The following PAPOLA variants were observed in gnomAD, a reference collection of about 807,000 sequenced individuals.
The protein encoded by PAPOLA is poly(A) polymerase alpha.
A neutral mutation model predicts 100.6 loss-of-function variants in PAPOLA; 15 were observed. The ratio of observed to expected loss-of-function variants is 0.15; its 90% CI spans 0.10 to 0.23. PAPOLA has a LOEUF of 0.23. Among genes scored for constraint, PAPOLA ranks in the 10% least tolerant of loss-of-function variants. The pLI, the probability that PAPOLA is intolerant of heterozygous loss-of-function variation, is 1.00. For synonymous variants in PAPOLA, 293 were observed against 300.0 expected, an observed-to-expected ratio of 0.98 and a Z score of 0.24; for missense variants, 533 against 884.2, an observed-to-expected ratio of 0.60 and a Z score of 5.04.
At chr14:96,562,644 T>C in intron 20 of PAPOLA, 175 bp from the exon 21 acceptor site, 1 of 447,252 alleles carries the variant, frequency 2.2e-6, no homozygotes, top group Non-Finnish European at 4.1e-6. Context: ...ATATCTGAAA[T>C]GGTGAAATAA....
chr14:96,544,320 G>A, intron 15 of PAPOLA, 62 bp downstream of exon 15: 1 of 752,854 alleles, frequency 1.3e-6, no homozygotes, highest in South Asian at 1.6e-5. Context: ...TTGTCTTGAT[G>A]CATACCATAG....
rs1014212870 is a variant in PAPOLA, at chr14:96,544,318, A to C, written c.1399+60A>C. 9.0e-6 allele frequency: 7 copies of C among 774,050 alleles called. No homozygotes were observed. The African/African-American group carries it at 1.2e-4, about 13-fold the overall frequency. The allele number at this position is 774,050 out of a possible 1,614,324, so 47.9% of individuals were successfully genotyped here. ...TTCTTGCATATTTCAAATTGTCTTGATGCATACCATAGTGATATTTACAAT... is the reference window on the plus strand; with the variant it reads ...TTCTTGCATATTTCAAATTGTCTTGCTGCATACCATAGTGATATTTACAAT... On this transcript the variant is annotated intron_variant, in intron 15 of 21. Transcript: ENST00000216277.
intron 1 of PAPOLA, 126 bp downstream of exon 1, chr14:96,502,726 C>A: frequency 1.9e-6 from 2 of 1,051,214 alleles, no homozygotes; most frequent in Non-Finnish European, 2.7e-6. Context: ...AGGAGGCAGG[C>A]AGGACTGGGG....
chr14:96,534,051 C>T lies in PAPOLA; in HGVS notation c.837-440C>T, dbSNP rs1471030994. 3.0e-6 allele frequency: 3 copies of T among 987,074 alleles called. No homozygotes were observed. In the African/African-American group the frequency reaches 5.2e-5, roughly 17 times the overall value. 61.1% of individuals were successfully genotyped at this position (987,074 alleles called of 1,614,324 possible). On this transcript the variant is annotated intron_variant, in intron 9 of 21. Transcript: ENST00000216277. Reference sequence around the variant, plus strand: ...TACACTTGTCTTACCACTTTTAAGTCATGAATTCTATAATTATTCATACCC... The same window carrying T: ...TACACTTGTCTTACCACTTTTAAGTTATGAATTCTATAATTATTCATACCC...
At chr14:96,512,229 A>G (rs988734466) in intron 1 of PAPOLA, among the ~76,000 whole-genome samples, 2 of 152,010 alleles carry the variant, frequency 1.3e-5, no homozygotes, top group Non-Finnish European at 2.9e-5. Flanking sequence ...TTGTGTTTCT[A>G]TGAATGTGTT....
chr14:96,541,876 T>G (rs560518042), intron 12 of PAPOLA: 1 of 162,324 alleles, frequency 6.2e-6, no homozygotes, highest in African/African-American at 2.4e-5. Flanking sequence ...CAATGGTGTT[T>G]TGATTCTATT....
intron 6 of PAPOLA, 83 bp downstream of exon 6, chr14:96,528,089 T>C: frequency 1.2e-6 from 1 of 865,474 alleles, no homozygotes; most frequent in Non-Finnish European, 2.0e-6. Flanking sequence ...TGGTTTAAAG[T>C]TTATAATTAG....
intron 19 of PAPOLA, among the ~76,000 whole-genome samples, chr14:96,559,617 G>GTATA (rs752338396): frequency 7.1e-5 from 8 of 112,174 alleles, no homozygotes; most frequent in Non-Finnish European, 1.5e-4. Flanking sequence ...ATATATATAT[G>GTATA]TATATATATA....
intron 6 of PAPOLA, among the ~76,000 whole-genome samples, chr14:96,530,508 C>T (rs117355417): frequency 1.3e-5 from 2 of 151,878 alleles, no homozygotes; most frequent in Non-Finnish European, 2.9e-5. Context: ...TACCTCAGCC[C>T]CCCCAAGTAG....
intron 1 of PAPOLA, among the ~76,000 whole-genome samples, chr14:96,510,789 G>A (rs1325322733): frequency 1.3e-5 from 2 of 152,178 alleles, no homozygotes; most frequent in East Asian, 3.8e-4. Flanking sequence ...AACACCTTAC[G>A]GTGGGCCAGT....
intron 2 of PAPOLA, among the ~76,000 whole-genome samples, 159 bp downstream of exon 2, chr14:96,520,387 T>C (rs913596744): frequency 6.6e-6 from 1 of 152,184 alleles, no homozygotes; most frequent in Non-Finnish European, 1.5e-5. Flanking sequence ...AGAAAACTTT[T>C]TGTTTTTGAG....
chr14:96,528,703 G>T (rs1410462030), intron 6 of PAPOLA, among the ~76,000 whole-genome samples: 1 of 152,192 alleles, frequency 6.6e-6, no homozygotes, highest in East Asian at 1.9e-4. Context: ...GCCTGGCAAT[G>T]TAGCGAGACT....
intron 1 of PAPOLA, among the ~76,000 whole-genome samples, chr14:96,517,143 C>T (rs538283960): frequency 7.4e-4 from 112 of 152,260 alleles, no homozygotes; most frequent in African/African-American, 2.5e-3. Flanking sequence ...CTTAAAAGCT[C>T]TCCTTGCTTG....
At chr14:96,513,767 G>A (rs1222607172) in intron 1 of PAPOLA, among the ~76,000 whole-genome samples, 2 of 152,104 alleles carry the variant, frequency 1.3e-5, no homozygotes, top group Non-Finnish European at 2.9e-5. Context: ...AATTCTTTAT[G>A]TATTCAGACT....
intron 20 of PAPOLA, 171 bp from the exon 21 acceptor site, chr14:96,562,648 G>A (rs962373795): frequency 2.6e-5 from 12 of 461,400 alleles, no homozygotes; most frequent in Admixed American, 2.6e-4. Flanking sequence ...CTGAAATGGT[G>A]AAATAACCTA....
In PAPOLA at chr14:96,527,182, A is replaced by G. The variant is rs559544328; in HGVS notation, c.332-248A>G. ...CCACCATGAAAGTACTTGCTGAGCC[A>G]TCTTTCTTTGGGCTCCCAGTTTACT... On this transcript the variant is annotated intron_variant, in intron 4 of 21. Coordinates refer to ENST00000216277, the MANE Select transcript of PAPOLA (RefSeq NM_032632.5). The G allele has an allele frequency of 6.6e-4, 304 of 457,186 alleles. 1 individual carries two copies. The highest frequency in any genetic ancestry group is 7.6e-4 in the Non-Finnish European group (196 of 259,190). 28.3% of individuals were successfully genotyped at this position (457,186 alleles called of 1,614,324 possible). A position where few individuals can be genotyped will look rare whatever the true frequency, so the allele number is the denominator to read the frequency against.
rs370979875 is a variant in PAPOLA, at chr14:96,559,581, C to CTCTCTCTCTA, written c.2005-1067_2005-1066insCTCTCTCTAT. On this transcript the variant is annotated intron_variant, in intron 19 of 21. Coordinates refer to ENST00000216277, the MANE Select transcript of PAPOLA (RefSeq NM_032632.5). ...TCTCTCTCTCTCTCTCTCTCTCTCT[C>CTCTCTCTCTA]TATATATATATATATACACACACAC... Among the ~76,000 whole-genome samples, 674 of 120,126 alleles carry CTCTCTCTCTA rather than the reference C, an allele frequency of 5.6e-3. 9 individuals are homozygous for CTCTCTCTCTA. Among genetic ancestry groups the CTCTCTCTCTA allele is most frequent in the African/African-American group, 0.019 (574 of 29,776 alleles). 78.8% of individuals were successfully genotyped at this position (120,126 alleles called of 152,430 possible).
In PAPOLA at chr14:96,520,155, G is replaced by T; in HGVS notation, c.109G>T (p.Val37Leu). Residue 37 changes from valine to leucine, a missense_variant, in exon 2 of 22, where the codon GTA becomes TTA. By Grantham distance (32) the Val-to-Leu change is conservative. Around this residue, in one of 9 missense-constraint regions of PAPOLA, gnomAD observed 48 missense variants for 52.3 expected, o/e 0.92. Transcript: ENST00000216277. ...AGCAGCCCCCAAGGAGACTGACTGCGTACTTACACAGAAACTAATTGAGAC... is the reference window on the plus strand; with the variant it reads ...AGCAGCCCCCAAGGAGACTGACTGCTTACTTACACAGAAACTAATTGAGAC... ...SLAAPKETDCVLTQKLIETLK... is the reference protein window; with the variant it reads ...SLAAPKETDCLLTQKLIETLK... 2 of 1,613,938 alleles carry T rather than the reference G, an allele frequency of 1.2e-6. No individual in the cohort carries two copies. The highest frequency in any genetic ancestry group is 1.7e-6 in the Non-Finnish European group (2 of 1,179,862).
At chr14:96,549,863 C>T (rs1022347387) in intron 16 of PAPOLA, among the ~76,000 whole-genome samples, 1 of 152,072 alleles carries the variant, frequency 6.6e-6, no homozygotes, top group African/African-American at 2.4e-5. Context: ...AAAATATAAA[C>T]ATTTTGGACC....
Sources: gnomAD v4.1 joint callset for allele counts (sites outside exome capture counted in the v4.1 genomes callset) on GRCh38, gnomAD v4.1.1 for gene constraint, gnomAD v4.1.1 regional missense constraint, MANE v1.5 for transcripts, NCBI Gene and HGNC (gene_info 2026-07-23, HGNC 2026-07-21) for gene names.